FNDC3A: variants seen among roughly 807,000 people sequenced by gnomAD.
FNDC3A encodes fibronectin type III domain containing 3A.
Under a neutral mutation model 148.9 loss-of-function variants are expected in FNDC3A, and 32 were observed. That is an observed-to-expected ratio of 0.21 (90% CI 0.16 to 0.29). The LOEUF (loss-of-function observed/expected upper bound fraction) is 0.29. Among genes scored for constraint, FNDC3A ranks in the 10% least tolerant of loss-of-function variants. The probability of loss-of-function intolerance (pLI) is 1.00; values close to 1 mark genes in which losing one functional copy is unlikely to be tolerated. For missense variants in FNDC3A, 1,191 were observed against 1,452.8 expected (o/e 0.82, Z 2.93); for synonymous variants, 472 against 473.6 (o/e 1.00, Z 0.04).
intron 3 of FNDC3A, among the ~76,000 whole-genome samples, chr13:49,111,783 A>T (rs117360571): frequency 0.022 from 3,368 of 151,764 alleles, 149 homozygotes; most frequent in East Asian, 0.19. Context: ...TAAAAAAAAA[A>T]TTTTTTTGCT....
chr13:49,174,349 A>G (rs1884917198), intron 11 of FNDC3A, 86 bp from the exon 12 acceptor site: 1 of 1,087,898 alleles, frequency 9.2e-7, no homozygotes, highest in Non-Finnish European at 1.4e-6. Context: ...ACACTTGCTA[A>G]TATGTAACTG....
At chr13:49,022,384 C>G (rs562267897) in intron 2 of FNDC3A, among the ~76,000 whole-genome samples, 1 of 152,198 alleles carries the variant, frequency 6.6e-6, no homozygotes, top group African/African-American at 2.4e-5. Flanking sequence ...AAACTTTTAT[C>G]TCCATGGAAG....
intron 2 of FNDC3A, among the ~76,000 whole-genome samples, chr13:49,047,570 G>C (rs2137703281): frequency 6.6e-6 from 1 of 152,166 alleles, no homozygotes; most frequent in South Asian, 2.1e-4. Context: ...TTTTTCCATA[G>C]GCTTTTTGGC....
chr13:49,202,106 AACTCT>A (rs1453432068), intron 24 of FNDC3A, 140 bp downstream of exon 24: 2 of 489,984 alleles, frequency 4.1e-6, no homozygotes, highest in East Asian at 6.9e-5. Context: ...AGGCAAGCCC[AACTCT>A]ACTGAGAGTT....
chr13:49,022,439 T>C (rs1422634923), intron 2 of FNDC3A, among the ~76,000 whole-genome samples: 1 of 152,156 alleles, frequency 6.6e-6, no homozygotes, highest in African/African-American at 2.4e-5. Flanking sequence ...CTTTCACCAA[T>C]AGCCAAAAAT....
intron 2 of FNDC3A, among the ~76,000 whole-genome samples, chr13:49,021,210 A>G (rs1873300318): frequency 6.6e-6 from 1 of 152,242 alleles, no homozygotes; most frequent in Non-Finnish European, 1.5e-5. Flanking sequence ...AGCTTTTCAA[A>G]GCCCCTATAT....
intron 8 of FNDC3A, among the ~76,000 whole-genome samples, chr13:49,151,033 T>C (rs1437896064): frequency 6.6e-6 from 1 of 152,164 alleles, no homozygotes; most frequent in African/African-American, 2.4e-5. Context: ...TCATGTGTTG[T>C]AAAGAAGAAT....
chr13:49,105,176 A>G (rs757545782), intron 3 of FNDC3A, among the ~76,000 whole-genome samples: 2 of 152,218 alleles, frequency 1.3e-5, no homozygotes, highest in Non-Finnish European at 2.9e-5. Context: ...GCAAAAATTT[A>G]AAAATCTAAA....
chr13:49,088,987 A>G (rs182093128), intron 3 of FNDC3A, among the ~76,000 whole-genome samples: 1 of 152,232 alleles, frequency 6.6e-6, no homozygotes, highest in Non-Finnish European at 1.5e-5. Flanking sequence ...AAAATAGTCA[A>G]ATTCATAGAG....
chr13:49,062,652 T>G (rs1876978233), intron 2 of FNDC3A, among the ~76,000 whole-genome samples: 1 of 152,184 alleles, frequency 6.6e-6, no homozygotes, highest in South Asian at 2.1e-4. Flanking sequence ...CTGTGTAGTT[T>G]ATCATTTCTT....
intron 10 of FNDC3A, 145 bp from the exon 11 acceptor site, chr13:49,171,898 A>G: frequency 3.4e-6 from 2 of 580,418 alleles, no homozygotes; most frequent in Non-Finnish European, 6.1e-6. Context: ...CAATACATAT[A>G]TTTTTGTATT....
intron 7 of FNDC3A, among the ~76,000 whole-genome samples, chr13:49,144,721 C>CT (rs1318544874): frequency 1.3e-4 from 20 of 152,080 alleles, no homozygotes; most frequent in African/African-American, 4.6e-4. Context: ...TCTGTCACAA[C>CT]TTTCTCTGCG....
chr13:49,150,992 A>G (rs1016775113), intron 8 of FNDC3A, among the ~76,000 whole-genome samples: 2 of 151,966 alleles, frequency 1.3e-5, no homozygotes, highest in Non-Finnish European at 1.5e-5. Context: ...GTGTACTGAC[A>G]TATGGTCTAC....
At chr13:49,158,102 G>A (rs983314788) in intron 8 of FNDC3A, among the ~76,000 whole-genome samples, 5 of 152,236 alleles carry the variant, frequency 3.3e-5, no homozygotes, top group African/African-American at 7.2e-5. Flanking sequence ...GGGCAATGGC[G>A]GGCGCCCCTC....
intron 2 of FNDC3A, among the ~76,000 whole-genome samples, chr13:49,012,804 AAT>A (rs1952378984): frequency 2.7e-5 from 1 of 36,596 alleles, no homozygotes; most frequent in South Asian, 1.1e-3. Context: ...TGCAATTATA[AAT>A]GTGTGTGTGT....
chr13:48,993,473 T>G (rs761344619), intron 1 of FNDC3A, among the ~76,000 whole-genome samples: 1 of 152,214 alleles, frequency 6.6e-6, no homozygotes. Flanking sequence ...TAGATACTTA[T>G]AGTAGTTTCA....
chr13:49,061,811 T>TC (rs1406510639), intron 2 of FNDC3A, among the ~76,000 whole-genome samples: 1 of 63,160 alleles, frequency 1.6e-5, no homozygotes, highest in African/African-American at 6.6e-5. Context: ...TTCTCTCCTC[T>TC]CCTCTCCTCT....
intron 25 of FNDC3A, 89 bp from the exon 26 acceptor site, chr13:49,206,992 A>T (rs888381328): frequency 5.5e-5 from 50 of 901,036 alleles, no homozygotes; most frequent in Non-Finnish European, 8.4e-5. Flanking sequence ...TGGCTTTCAC[A>T]TGAAAAACAA....
At chr13:49,028,784 A>G (rs959676639) in intron 2 of FNDC3A, among the ~76,000 whole-genome samples, 1 of 152,216 alleles carries the variant, frequency 6.6e-6, no homozygotes, top group African/African-American at 2.4e-5. Flanking sequence ...CAATTGAACA[A>G]TAATAGTTGG....
Sources: gnomAD v4.1 joint callset for allele counts (sites outside exome capture counted in the v4.1 genomes callset) on GRCh38, gnomAD v4.1.1 for gene constraint, MANE v1.5 for transcripts, NCBI Gene and HGNC (gene_info 2026-07-23, HGNC 2026-07-21) for gene names.